SDK1: variants seen among roughly 807,000 people sequenced by gnomAD.
The protein encoded by SDK1 is sidekick cell adhesion molecule 1.
In SDK1, 157 loss-of-function variants were observed where a neutral mutation model predicts 245.5. That is an observed-to-expected ratio of 0.64 (90% CI 0.56 to 0.73). SDK1 has a LOEUF of 0.73. Among genes scored for constraint, SDK1 ranks in the 30% least tolerant of loss-of-function variants. The pLI is 0.00. For synonymous variants in SDK1, 1,647 were observed against 1,278.5 expected (o/e 1.29, Z -6.15); for missense variants, 3,583 against 3,002.3 (o/e 1.19, Z -4.52).
chr7:3,366,476 A>G (rs1175982480), intron 1 of SDK1, among the ~76,000 whole-genome samples: 1 of 152,004 alleles, frequency 6.6e-6, no homozygotes, highest in African/African-American at 2.4e-5. Flanking sequence ...CTTTTATTAG[A>G]TCCTGCAGAA....
At chr7:3,890,097 G>C (rs1781424227) in intron 5 of SDK1, among the ~76,000 whole-genome samples, 1 of 152,184 alleles carries the variant, frequency 6.6e-6, no homozygotes, top group African/African-American at 2.4e-5. Context: ...TTTACAGATG[G>C]ATTTCAGACA....
At chr7:3,384,879 T>A (rs1464494209) in intron 1 of SDK1, among the ~76,000 whole-genome samples, 2 of 152,236 alleles carry the variant, frequency 1.3e-5, no homozygotes, top group African/African-American at 2.4e-5. Context: ...TAGCAGATAG[T>A]GAAATCAGAA....
intron 5 of SDK1, among the ~76,000 whole-genome samples, chr7:3,856,428 T>G (rs1049033443): frequency 7.0e-6 from 1 of 143,204 alleles, no homozygotes; most frequent in Non-Finnish European, 1.5e-5. Context: ...TAATTTTGAC[T>G]AACAAGACTA....
At chr7:3,438,419 A>G (rs926516080) in intron 1 of SDK1, among the ~76,000 whole-genome samples, 6 of 152,192 alleles carry the variant, frequency 3.9e-5, no homozygotes, top group Non-Finnish European at 8.8e-5. Flanking sequence ...TAACATTTAC[A>G]TATGAGAGAA....
rs372714866 is a variant in SDK1, at chr7:3,821,602, A to G, written c.847+19A>G. Reference sequence around the variant, plus strand: ...ATAGCAAGTGAGTTTTGAAATCCCAAATGGTAATTCTGCAAGCAATAAAAT... The same window carrying G: ...ATAGCAAGTGAGTTTTGAAATCCCAGATGGTAATTCTGCAAGCAATAAAAT... On this transcript the variant is annotated intron_variant, in intron 5 of 44. Coordinates refer to ENST00000404826, the MANE Select transcript of SDK1 (RefSeq NM_152744.4). The G allele has an allele frequency of 2.5e-6, 4 of 1,610,184 alleles. No homozygotes were observed. The highest frequency in any genetic ancestry group is 1.3e-5 in the African/African-American group (1 of 74,714).
Position 3,496,724 on chromosome 7 carries a change from C to T in SDK1, c.299-122356C>T, listed in dbSNP as rs186145124. Among the ~76,000 whole-genome samples the T allele has an allele frequency of 7.5e-4, 114 of 152,246 alleles. 1 individual carries two copies. The highest frequency in any genetic ancestry group is 6.8e-3 in the Middle Eastern group (2 of 294). On this transcript the variant is annotated intron_variant, in intron 1 of 44. Transcript: ENST00000404826. ...CTGTGTTCCGACTACTTTACTTCTC[C>T]GTTCATTTTCATTTGTTACATTCTG...
intron 4 of SDK1, among the ~76,000 whole-genome samples, chr7:3,656,680 T>G (rs550583128): frequency 1.8e-4 from 27 of 151,588 alleles, no homozygotes; most frequent in African/African-American, 5.8e-4. Context: ...CCTTGGGAAC[T>G]CTCTCTCATG....
chr7:3,326,481 A>C (rs536804320), intron 1 of SDK1, among the ~76,000 whole-genome samples: 1 of 152,252 alleles, frequency 6.6e-6, no homozygotes, highest in Non-Finnish European at 1.5e-5. Context: ...TGCTATGATG[A>C]ATACAGTTGT....
chr7:3,371,628 A>T (rs1396384492), intron 1 of SDK1, among the ~76,000 whole-genome samples: 1 of 152,202 alleles, frequency 6.6e-6, no homozygotes, highest in Non-Finnish European at 1.5e-5. Flanking sequence ...AGAAGACTTG[A>T]TCTCCAAAAA....
intron 1 of SDK1, among the ~76,000 whole-genome samples, chr7:3,405,688 C>T (rs1021121326): frequency 6.6e-6 from 1 of 152,132 alleles, no homozygotes; most frequent in African/African-American, 2.4e-5. Context: ...ATAGAGCTGA[C>T]ACAGTAGTAG....
At chr7:3,849,451 C>T (rs967959304) in intron 5 of SDK1, among the ~76,000 whole-genome samples, 1 of 152,068 alleles carries the variant, frequency 6.6e-6, no homozygotes, top group African/African-American at 2.4e-5. Context: ...ATTAGACTTC[C>T]TGGACATTTG....
At chr7:3,936,802 G>A (rs746170192) in intron 5 of SDK1, among the ~76,000 whole-genome samples, 5 of 152,188 alleles carry the variant, frequency 3.3e-5, no homozygotes, top group African/African-American at 4.8e-5. Flanking sequence ...TGGAGGAGGC[G>A]CTGTGTCCTC....
chr7:3,830,976 C>G (rs1779899294), intron 5 of SDK1, among the ~76,000 whole-genome samples: 1 of 152,190 alleles, frequency 6.6e-6, no homozygotes, highest in Admixed American at 6.5e-5. Flanking sequence ...TATGCATTTT[C>G]TTTCTAGCTC....
chr7:4,093,625 C>G (rs138143722), intron 22 of SDK1, among the ~76,000 whole-genome samples: 1 of 152,194 alleles, frequency 6.6e-6, no homozygotes, highest in Non-Finnish European at 1.5e-5. Flanking sequence ...ATGGAGCAGC[C>G]GGGCGCCCAG....
chr7:3,316,335 C>T (rs1428669864), intron 1 of SDK1, among the ~76,000 whole-genome samples: 4 of 152,056 alleles, frequency 2.6e-5, no homozygotes, highest in South Asian at 4.1e-4. Flanking sequence ...ATAGTTGGCT[C>T]CTGTGTTCAG....
intron 4 of SDK1, among the ~76,000 whole-genome samples, chr7:3,774,614 C>T (rs1019865210): frequency 1.3e-5 from 2 of 152,206 alleles, no homozygotes; most frequent in African/African-American, 2.4e-5. Context: ...AATAGTTATA[C>T]TGGACAGATT....
chr7:3,885,724 T>C (rs1312894158), intron 5 of SDK1, among the ~76,000 whole-genome samples: 1 of 152,244 alleles, frequency 6.6e-6, no homozygotes, highest in Non-Finnish European at 1.5e-5. Flanking sequence ...CCTGGCCTAC[T>C]TTATTTCCTG....
Position 4,029,228 on chromosome 7 carries a change from T to TTTTTGTG in SDK1, c.2602+11877_2602+11878insTTTGTGT, listed in dbSNP as rs746967075. Among the ~76,000 whole-genome samples, 10 of 112,088 alleles carry TTTTTGTG rather than the reference T, an allele frequency of 8.9e-5. 1 individual carries two copies. Among genetic ancestry groups the TTTTTGTG allele is most frequent in the African/African-American group, 5.0e-4 (10 of 20,080 alleles). The allele number at this position is 112,088 out of a possible 152,430, so 73.5% of individuals were successfully genotyped here. A position where few individuals can be genotyped will look rare whatever the true frequency, so the allele number is the denominator to read the frequency against. ...TTTTATTCTTTCTTTTTTTTTTTTT[T>TTTTTGTG]TGTGAAGAAGTCTCACTCTGTCATC... On this transcript the variant is annotated intron_variant, in intron 17 of 44. Coordinates refer to ENST00000404826, the MANE Select transcript of SDK1 (RefSeq NM_152744.4).
intron 1 of SDK1, among the ~76,000 whole-genome samples, chr7:3,396,017 G>A (rs1319737527): frequency 1.3e-5 from 2 of 151,482 alleles, no homozygotes; most frequent in Admixed American, 1.3e-4. Context: ...TTAGTCTTCT[G>A]TTTTCTACAT....
Sources: allele counts gnomAD v4.1 joint callset (sites outside exome capture counted in the v4.1 genomes callset), GRCh38; gene constraint gnomAD v4.1.1; transcripts MANE v1.5; gene names NCBI Gene and HGNC (gene_info 2026-07-23, HGNC 2026-07-21).